Variants in LRRC4C observed in about 807,000 individuals in gnomAD.
LRRC4C encodes leucine rich repeat containing 4C.
LRRC4C carries 5 observed loss-of-function variants against 33.6 expected under a neutral mutation model. The ratio of observed to expected loss-of-function variants is 0.15; its 90% CI spans 0.08 to 0.31. LRRC4C has a LOEUF of 0.31. Among genes scored for constraint, LRRC4C ranks in the 10% least tolerant of loss-of-function variants. The pLI, the probability that LRRC4C is intolerant of heterozygous loss-of-function variation, is 1.00. For missense variants in LRRC4C, 560 were observed against 796.7 expected (o/e 0.70, Z 3.58); for synonymous variants, 329 against 302.0 (o/e 1.09, Z -0.93).
At chr11:40,934,403 C>T (rs1026172415) in intron 1 of LRRC4C, among the ~76,000 whole-genome samples, 2 of 152,056 alleles carry the variant, frequency 1.3e-5, no homozygotes, top group African/African-American at 4.8e-5. Flanking sequence ...TCTGCATGTG[C>T]GTGTGTGTGC....
At chr11:41,328,131 C>T (rs1477724277) in intron 1 of LRRC4C, among the ~76,000 whole-genome samples, 1 of 152,102 alleles carries the variant, frequency 6.6e-6, no homozygotes, top group African/African-American at 2.4e-5. Context: ...CTGCAGGTAC[C>T]CCTACTACTC....
chr11:40,667,301 A>G (rs1000018791), intron 2 of LRRC4C, among the ~76,000 whole-genome samples: 8 of 152,202 alleles, frequency 5.3e-5, no homozygotes, highest in African/African-American at 1.7e-4. Context: ...TGAATGTTAT[A>G]TATGAATGAT....
intron 4 of LRRC4C, among the ~76,000 whole-genome samples, chr11:40,261,711 T>G (rs1420138749): frequency 6.6e-6 from 1 of 151,426 alleles, no homozygotes; most frequent in African/African-American, 2.4e-5. Context: ...AAAAAAGAAT[T>G]TTTTTTGACA....
intron 1 of LRRC4C, among the ~76,000 whole-genome samples, chr11:41,094,082 A>T (rs1038814293): frequency 6.0e-5 from 9 of 150,706 alleles, no homozygotes; most frequent in African/African-American, 2.2e-4. Flanking sequence ...ACACCACTGC[A>T]CTCCAGCCTG....
chr11:41,445,012 A>G (rs1185540586), intron 1 of LRRC4C, among the ~76,000 whole-genome samples: 1 of 152,130 alleles, frequency 6.6e-6, no homozygotes, highest in East Asian at 1.9e-4. Context: ...CATGTTGGCC[A>G]GGCTGGTCTC....
chr11:41,306,033 A>AG lies in LRRC4C; in HGVS notation c.-496+153397_-496+153398insC, dbSNP rs761446513. Among the ~76,000 whole-genome samples, 691 of 113,486 alleles carry AG rather than the reference A, an allele frequency of 6.1e-3. 3 individuals are homozygous for AG. The highest frequency in any genetic ancestry group is 0.017 in the African/African-American group (600 of 34,974). The allele number at this position is 113,486 out of a possible 152,430, so 74.5% of individuals were successfully genotyped here. ...TTATTTCTTTCTCTAAAAAAAAAAA[A>AG]AAAAAAAGAAAGAAAAATACTGCAT... On this transcript the variant is annotated intron_variant, in intron 1 of 6. Transcript: ENST00000528697.
intron 2 of LRRC4C, among the ~76,000 whole-genome samples, chr11:40,695,133 C>A (rs558335146): frequency 2.8e-4 from 42 of 152,240 alleles, no homozygotes; most frequent in Admixed American, 3.9e-4. Flanking sequence ...GAGGCTTGTA[C>A]AAAATGCTAA....
chr11:40,477,857 C>T (rs1470325167), intron 3 of LRRC4C, among the ~76,000 whole-genome samples: 3 of 152,184 alleles, frequency 2.0e-5, no homozygotes. Flanking sequence ...CATCCTGTAG[C>T]TCCCATAATT....
chr11:40,719,037 C>A (rs1194877115), intron 2 of LRRC4C, among the ~76,000 whole-genome samples: 1 of 152,134 alleles, frequency 6.6e-6, no homozygotes. Flanking sequence ...CTTTTGACGG[C>A]CCTTGCTGAA....
intron 1 of LRRC4C, among the ~76,000 whole-genome samples, chr11:41,407,018 T>C (rs181476743): frequency 2.0e-5 from 3 of 152,288 alleles, no homozygotes; most frequent in South Asian, 4.1e-4. Flanking sequence ...AAGGTATTTT[T>C]AGATATCAGT....
chr11:41,142,125 T>TTA (rs147536248), intron 1 of LRRC4C, among the ~76,000 whole-genome samples: 20,396 of 151,952 alleles, frequency 0.13, 1,432 homozygotes, highest in Middle Eastern at 0.16. Context: ...TTTCTTGCCA[T>TTA]TATATATATA....
At chr11:40,582,149 G>A (rs1958497136) in intron 3 of LRRC4C, among the ~76,000 whole-genome samples, 1 of 152,004 alleles carries the variant, frequency 6.6e-6, no homozygotes, top group African/African-American at 2.4e-5. Flanking sequence ...TTTCCAAAAA[G>A]TAAAAATGTT....
intron 1 of LRRC4C, among the ~76,000 whole-genome samples, chr11:41,050,035 T>C (rs1289688188): frequency 1.3e-5 from 2 of 152,212 alleles, no homozygotes; most frequent in Admixed American, 6.5e-5. Flanking sequence ...AATAGTATGA[T>C]ATAGGCTTAT....
chr11:41,151,657 T>C (rs973681401), intron 1 of LRRC4C, among the ~76,000 whole-genome samples: 1 of 152,192 alleles, frequency 6.6e-6, no homozygotes, highest in African/African-American at 2.4e-5. Context: ...TTCAAACCCA[T>C]GTCCCTCTGG....
intron 1 of LRRC4C, among the ~76,000 whole-genome samples, chr11:41,198,234 GAAAT>G (rs1414041756): frequency 6.6e-6 from 1 of 151,884 alleles, no homozygotes; most frequent in Non-Finnish European, 1.5e-5. Context: ...CCCTAGCCAT[GAAAT>G]ATATGCATTT....
intron 1 of LRRC4C, among the ~76,000 whole-genome samples, chr11:41,205,308 A>G (rs1384223048): frequency 6.6e-6 from 1 of 152,192 alleles, no homozygotes; most frequent in Non-Finnish European, 1.5e-5. Context: ...AGCATGAGTC[A>G]ATTTATATTT....
chr11:40,842,524 A>G (rs2135661805), intron 2 of LRRC4C, among the ~76,000 whole-genome samples: 1 of 152,260 alleles, frequency 6.6e-6, no homozygotes, highest in Admixed American at 6.5e-5. Flanking sequence ...TACCTTACAC[A>G]CTTACTATTA....
At chr11:41,269,142 C>T (rs996419107) in intron 1 of LRRC4C, among the ~76,000 whole-genome samples, 5 of 152,048 alleles carry the variant, frequency 3.3e-5, no homozygotes, top group Non-Finnish European at 7.4e-5. Flanking sequence ...GTGATTCATC[C>T]AGAAGTGCTT....
intron 1 of LRRC4C, among the ~76,000 whole-genome samples, chr11:41,194,132 ATT>A (rs1946082323): frequency 6.6e-6 from 1 of 152,082 alleles, no homozygotes. Context: ...CTTCCTTATG[ATT>A]TTACTAATAA....
Sources: gnomAD v4.1 joint callset for allele counts (sites outside exome capture counted in the v4.1 genomes callset) on GRCh38, gnomAD v4.1.1 for gene constraint, MANE v1.5 for transcripts, NCBI Gene and HGNC (gene_info 2026-07-23, HGNC 2026-07-21) for gene names.